The following DENND1A variants were observed in gnomAD, a reference collection of about 807,000 sequenced individuals.
DENND1A encodes the protein DENN domain containing 1A.
DENND1A carries 51 observed loss-of-function variants against 113.7 expected under a neutral mutation model. The observed-to-expected ratio is 0.45, with a 90% CI of 0.36 to 0.57. The LOEUF is 0.57. Ranked by LOEUF, DENND1A falls within the 20% of genes least tolerant of loss-of-function variation. The pLI is 0.00. For missense variants in DENND1A, 1,258 were observed against 1,395.9 expected, an observed-to-expected ratio of 0.90 and a Z score of 1.57; for synonymous variants, 565 against 570.8, an observed-to-expected ratio of 0.99 and a Z score of 0.14.
At chr9:123,446,879 T>G (rs900405580) in intron 18 of DENND1A, among the ~76,000 whole-genome samples, 1 of 152,288 alleles carries the variant, frequency 6.6e-6, no homozygotes, top group African/African-American at 2.4e-5. Flanking sequence ...GGCTGTGAAA[T>G]GGGCCCATTT....
At chr9:123,559,561 G>T (rs1006185194) in intron 12 of DENND1A, among the ~76,000 whole-genome samples, 4 of 152,028 alleles carry the variant, frequency 2.6e-5, no homozygotes, top group African/African-American at 9.7e-5. Flanking sequence ...TTGCTGAGAA[G>T]TCTGGGGAAA....
chr9:123,547,582 T>C (rs1195273711), intron 13 of DENND1A, among the ~76,000 whole-genome samples: 1 of 152,094 alleles, frequency 6.6e-6, no homozygotes, highest in Non-Finnish European at 1.5e-5. Flanking sequence ...GATTTTCAAC[T>C]CTTGGTACCT....
At chr9:123,805,548 C>G (rs191479059) in intron 2 of DENND1A, among the ~76,000 whole-genome samples, 1 of 151,888 alleles carries the variant, frequency 6.6e-6, no homozygotes, top group Admixed American at 6.6e-5. Flanking sequence ...ATTATCCTGC[C>G]TTAGCCTCCC....
chr9:123,918,284 C>T (rs1388946951), intron 1 of DENND1A, among the ~76,000 whole-genome samples: 3 of 150,550 alleles, frequency 2.0e-5, no homozygotes, highest in Admixed American at 6.6e-5. Flanking sequence ...GTCAGGAGAT[C>T]GAGACCATCC....
chr9:123,727,295 T>C (rs1468434024), intron 5 of DENND1A, among the ~76,000 whole-genome samples: 1 of 152,250 alleles, frequency 6.6e-6, no homozygotes, highest in Non-Finnish European at 1.5e-5. Flanking sequence ...CAGAGCCTCA[T>C]TTATATCAAG....
chr9:123,746,558 A>G (rs2069527663), intron 5 of DENND1A, among the ~76,000 whole-genome samples: 1 of 152,174 alleles, frequency 6.6e-6, no homozygotes, highest in Admixed American at 6.5e-5. Flanking sequence ...CTAATTTGGA[A>G]ATCCAAAATG....
At chr9:123,792,720 C>T (rs1016018656) in intron 2 of DENND1A, 90 bp from the exon 3 acceptor site, 48 of 1,455,720 alleles carry the variant, frequency 3.3e-5, no homozygotes, top group Non-Finnish European at 5.7e-6. Flanking sequence ...AAGATGATAG[C>T]AGCCCTGGCA....
chr9:123,836,432 A>G (rs1442616000), intron 2 of DENND1A, among the ~76,000 whole-genome samples: 2 of 152,214 alleles, frequency 1.3e-5, no homozygotes. Context: ...ATATGAGAGA[A>G]AAAGTAACAC....
intron 5 of DENND1A, among the ~76,000 whole-genome samples, chr9:123,695,103 C>T (rs1402271589): frequency 6.6e-6 from 1 of 152,040 alleles, no homozygotes; most frequent in Non-Finnish European, 1.5e-5. Context: ...CGTCAGACTC[C>T]AAGTTCTTCA....
intron 3 of DENND1A, among the ~76,000 whole-genome samples, chr9:123,778,714 G>A (rs1011571465): frequency 2.6e-5 from 4 of 152,062 alleles, no homozygotes; most frequent in South Asian, 2.1e-4. Flanking sequence ...ATCCAGCCCC[G>A]GGCAGGATGT....
intron 3 of DENND1A, among the ~76,000 whole-genome samples, chr9:123,771,757 GATA>G (rs1381891984): frequency 1.3e-5 from 2 of 151,942 alleles, no homozygotes; most frequent in Non-Finnish European, 2.9e-5. Flanking sequence ...TTGTCTGTCA[GATA>G]ATATTAGAAC....
chr9:123,926,033 C>G (rs1857029038), intron 1 of DENND1A, among the ~76,000 whole-genome samples: 1 of 152,198 alleles, frequency 6.6e-6, no homozygotes, highest in Non-Finnish European at 1.5e-5. Flanking sequence ...TCTGCATTAT[C>G]AGTTAAATTG....
chr9:123,591,179 G>C (rs918292376), intron 11 of DENND1A, among the ~76,000 whole-genome samples: 1 of 152,138 alleles, frequency 6.6e-6, no homozygotes, highest in Non-Finnish European at 1.5e-5. Flanking sequence ...TTCTAGAGTT[G>C]GTTGTATGAA....
At chr9:123,899,320 TTA>T (rs2133863555) in intron 1 of DENND1A, among the ~76,000 whole-genome samples, 1 of 152,264 alleles carries the variant, frequency 6.6e-6, no homozygotes, top group African/African-American at 2.4e-5. Flanking sequence ...ATGAAGGGTA[TTA>T]TGAGGCCCAA....
intron 13 of DENND1A, among the ~76,000 whole-genome samples, chr9:123,507,866 T>C (rs1365010925): frequency 1.3e-5 from 2 of 148,840 alleles, no homozygotes; most frequent in East Asian, 3.9e-4. Flanking sequence ...ATATTTTTTG[T>C]CTTAAAATTA....
chr9:123,659,965 G>A (rs1035311431), intron 8 of DENND1A, among the ~76,000 whole-genome samples: 10 of 152,182 alleles, frequency 6.6e-5, no homozygotes, highest in Non-Finnish European at 1.3e-4. Context: ...ATTCTCCTTA[G>A]AGGAAAGGCT....
At chr9:123,896,366 G>A (rs962049532) in intron 1 of DENND1A, among the ~76,000 whole-genome samples, 4 of 150,572 alleles carry the variant, frequency 2.7e-5, no homozygotes, top group Non-Finnish European at 4.4e-5. Context: ...AATTTAAACC[G>A]AAGTGGTCCC....
At chr9:123,777,333 G>C (rs2131765604) in intron 3 of DENND1A, among the ~76,000 whole-genome samples, 1 of 152,314 alleles carries the variant, frequency 6.6e-6, no homozygotes, top group African/African-American at 2.4e-5. Context: ...AGATAGTTGG[G>C]ATTAGTCGAG....
intron 13 of DENND1A, among the ~76,000 whole-genome samples, chr9:123,532,899 C>T (rs984082534): frequency 6.6e-6 from 1 of 152,202 alleles, no homozygotes; most frequent in Non-Finnish European, 1.5e-5. Context: ...AATAAGGCTG[C>T]AGGCCAGAGC....
Sources: gnomAD v4.1 joint callset for allele counts (sites outside exome capture counted in the v4.1 genomes callset) on GRCh38, gnomAD v4.1.1 for gene constraint, MANE v1.5 for transcripts, NCBI Gene and HGNC (gene_info 2026-07-23, HGNC 2026-07-21) for gene names.